DLGAP2: variants seen among roughly 807,000 people sequenced by gnomAD.
DLGAP2 encodes DLG associated protein 2.
A neutral mutation model predicts 100.3 loss-of-function variants in DLGAP2; 26 were observed. That is an observed-to-expected ratio of 0.26 (90% CI 0.19 to 0.36). The LOEUF (loss-of-function observed/expected upper bound fraction) is 0.36. DLGAP2 is among the 10% of genes least tolerant of loss of function. The probability of loss-of-function intolerance (pLI) is 1.00; values close to 1 mark genes in which losing one functional copy is unlikely to be tolerated. For synonymous variants in DLGAP2, 886 were observed against 630.1 expected, an observed-to-expected ratio of 1.41 and a Z score of -6.08; for missense variants, 1,858 against 1,453.2, an observed-to-expected ratio of 1.28 and a Z score of -4.53.
chr8:1,671,748 C>A (rs899099447), intron 10 of DLGAP2, among the ~76,000 whole-genome samples: 2 of 152,246 alleles, frequency 1.3e-5, no homozygotes. Context: ...GTCCCCTGTT[C>A]CTCAGATGTC....
chr8:769,276 G>A (rs1381492710), intron 1 of DLGAP2, among the ~76,000 whole-genome samples: 1 of 152,056 alleles, frequency 6.6e-6, no homozygotes, highest in Non-Finnish European at 1.5e-5. Context: ...GTCTCAGCAG[G>A]GAAGAAGTAT....
At chr8:808,131 C>T (rs936775341) in intron 1 of DLGAP2, among the ~76,000 whole-genome samples, 6 of 152,144 alleles carry the variant, frequency 3.9e-5, no homozygotes, top group South Asian at 4.1e-4. Context: ...CTCACAGGGT[C>T]GTCGGCACGT....
intron 3 of DLGAP2, among the ~76,000 whole-genome samples, chr8:1,336,653 G>T (rs768752932): frequency 6.6e-6 from 1 of 152,154 alleles, no homozygotes; most frequent in Non-Finnish European, 1.5e-5. Context: ...TCTGGAACAG[G>T]CTGGGGCCCC....
At chr8:1,075,405 C>A (rs1803575050) in intron 2 of DLGAP2, among the ~76,000 whole-genome samples, 1 of 152,194 alleles carries the variant, frequency 6.6e-6, no homozygotes, top group African/African-American at 2.4e-5. Context: ...GGTCAGGCTC[C>A]CAGAGCCCCT....
chr8:1,586,835 G>T (rs146818887), intron 6 of DLGAP2, among the ~76,000 whole-genome samples: 13 of 152,202 alleles, frequency 8.5e-5, no homozygotes, highest in Admixed American at 5.9e-4. Flanking sequence ...TCTACTTATT[G>T]CCAAGGTATC....
intron 12 of DLGAP2, among the ~76,000 whole-genome samples, chr8:1,691,020 C>G (rs1448705010): frequency 6.6e-6 from 1 of 152,176 alleles, no homozygotes; most frequent in Non-Finnish European, 1.5e-5. Flanking sequence ...CCTCACAGCA[C>G]TGCCAGGAGA....
Position 1,363,827 on chromosome 8 carries a change from T to A in DLGAP2, c.106+104944T>A, listed in dbSNP as rs957883093. Among the ~76,000 whole-genome samples, 3 of 152,192 alleles carry A rather than the reference T, an allele frequency of 2.0e-5. No homozygotes were observed. In the East Asian group the frequency reaches 5.8e-4, roughly 29 times the overall value. On this transcript the variant is annotated intron_variant, in intron 3 of 14. Coordinates refer to ENST00000637795, the MANE Select transcript of DLGAP2 (RefSeq NM_001346810.2). Reference sequence around the variant, plus strand: ...GGCTGCGGGTGTGACAGAGCCCGGCTGCCCGTGGCAGGCCTGGCCTTGGCC... The same window carrying A: ...GGCTGCGGGTGTGACAGAGCCCGGCAGCCCGTGGCAGGCCTGGCCTTGGCC...
At chr8:1,220,957 C>A (rs1353130974) in intron 2 of DLGAP2, among the ~76,000 whole-genome samples, 5 of 152,036 alleles carry the variant, frequency 3.3e-5, no homozygotes, top group Non-Finnish European at 2.9e-5. Context: ...CTTGATAGAT[C>A]TTTCTCCATA....
At chr8:890,778 G>T (rs753452263) in intron 1 of DLGAP2, among the ~76,000 whole-genome samples, 182 of 152,128 alleles carry the variant, frequency 1.2e-3, no homozygotes, top group Non-Finnish European at 2.1e-3. Flanking sequence ...TCCGGCCTCA[G>T]CCCCCTGTCC....
intron 6 of DLGAP2, among the ~76,000 whole-genome samples, chr8:1,579,918 G>A (rs1195812122): frequency 6.6e-6 from 1 of 152,202 alleles, no homozygotes; most frequent in East Asian, 1.9e-4. Context: ...AGGAGGTAAA[G>A]TGTGTGCTGC....
chr8:1,635,390 C>G (rs565119385), intron 8 of DLGAP2, among the ~76,000 whole-genome samples: 29 of 152,224 alleles, frequency 1.9e-4, no homozygotes, highest in African/African-American at 7.0e-4. Flanking sequence ...AGGCGGATTT[C>G]AAAAATTTTC....
At chr8:1,242,220 C>T (rs1798812122) in intron 2 of DLGAP2, among the ~76,000 whole-genome samples, 1 of 152,140 alleles carries the variant, frequency 6.6e-6, no homozygotes, top group Admixed American at 6.5e-5. Flanking sequence ...AACTGAGGGC[C>T]TGAGAGAGGC....
intron 3 of DLGAP2, among the ~76,000 whole-genome samples, chr8:1,442,718 G>C (rs1404362225): frequency 2.7e-5 from 4 of 148,618 alleles, no homozygotes; most frequent in Admixed American, 6.6e-5. Context: ...ACGGATCCGG[G>C]CATAGACCCG....
chr8:1,479,461 C>T (rs896957226), intron 3 of DLGAP2, among the ~76,000 whole-genome samples: 2 of 152,158 alleles, frequency 1.3e-5, no homozygotes, highest in African/African-American at 2.4e-5. Context: ...CATTTAGCCA[C>T]TAATTAATTG....
intron 3 of DLGAP2, 74 bp downstream of exon 3, chr8:1,258,957 C>T (rs1799286355): frequency 8.6e-7 from 1 of 1,165,564 alleles, no homozygotes; most frequent in Non-Finnish European, 1.1e-6. Flanking sequence ...CAACAGTCTA[C>T]CATGAAACGT....
intron 12 of DLGAP2, 30 bp from the exon 13 acceptor site, chr8:1,691,505 T>G (rs945569706): frequency 2.5e-6 from 4 of 1,590,022 alleles, no homozygotes; most frequent in East Asian, 4.5e-5. Context: ...GAAGTTGTTG[T>G]TTTTTTGTTT....
At chr8:1,185,070 G>A (rs1387943296) in intron 2 of DLGAP2, among the ~76,000 whole-genome samples, 4 of 152,148 alleles carry the variant, frequency 2.6e-5, no homozygotes, top group Admixed American at 1.3e-4. Flanking sequence ...AAGGTCGGGC[G>A]AGGGTTCTGC....
chr8:1,064,323 A>C (rs181978163), intron 2 of DLGAP2, among the ~76,000 whole-genome samples: 6 of 152,362 alleles, frequency 3.9e-5, no homozygotes. Context: ...AGATTGGAAA[A>C]ATATAGCTGC....
At chr8:916,954 G>C (rs911391209) in intron 2 of DLGAP2, among the ~76,000 whole-genome samples, 14 of 152,330 alleles carry the variant, frequency 9.2e-5, no homozygotes, top group Non-Finnish European at 1.6e-4. Flanking sequence ...GGACAGCCTG[G>C]GCCATAGCCT....
Sources: allele counts gnomAD v4.1 joint callset (sites outside exome capture counted in the v4.1 genomes callset), GRCh38; gene constraint gnomAD v4.1.1; transcripts MANE v1.5; gene names NCBI Gene and HGNC (gene_info 2026-07-23, HGNC 2026-07-21).